The following WWP2 variants were observed in gnomAD, a reference collection of about 807,000 sequenced individuals.
WWP2 encodes WW domain containing E3 ubiquitin protein ligase 2.
WWP2 carries 57 observed loss-of-function variants against 121.0 expected under a neutral mutation model. That is an observed-to-expected ratio of 0.47 (90% CI 0.38 to 0.59). The LOEUF is 0.59. Ranked by LOEUF, WWP2 falls within the 20% of genes least tolerant of loss-of-function variation. The probability of loss-of-function intolerance (pLI) is 0.00; values close to 1 mark genes in which losing one functional copy is unlikely to be tolerated. For missense variants in WWP2, 962 were observed against 1,158.9 expected (o/e 0.83, Z 2.47); for synonymous variants, 449 against 441.3 (o/e 1.02, Z -0.22).
At chr16:69,882,236 G>A (rs1426836681) in intron 7 of WWP2, among the ~76,000 whole-genome samples, 1 of 152,184 alleles carries the variant, frequency 6.6e-6, no homozygotes, top group Non-Finnish European at 1.5e-5. Context: ...GATTATAGGT[G>A]TGAACCACTG....
chr16:69,768,447 A>T (rs1246525399), intron 1 of WWP2, among the ~76,000 whole-genome samples: 3 of 152,042 alleles, frequency 2.0e-5, no homozygotes, highest in African/African-American at 7.2e-5. Context: ...CGTCTCTACT[A>T]AAAATACAAA....
At chr16:69,789,348 GCCT>G (rs969234872) in intron 2 of WWP2, among the ~76,000 whole-genome samples, 2 of 152,130 alleles carry the variant, frequency 1.3e-5, no homozygotes, top group Non-Finnish European at 2.9e-5. Context: ...TTCTGCCTCA[GCCT>G]CCTCAGTAGC....
intron 4 of WWP2, among the ~76,000 whole-genome samples, chr16:69,839,627 A>C (rs1460929937): frequency 6.6e-6 from 1 of 152,196 alleles, no homozygotes; most frequent in South Asian, 2.1e-4. Flanking sequence ...AAGACAATAC[A>C]TTTTCAGGAT....
intron 4 of WWP2, chr16:69,838,905 CTTA>C (rs2056924498): frequency 2.0e-6 from 2 of 979,500 alleles, no homozygotes; most frequent in African/African-American, 1.8e-5. Context: ...TGGTTTCTAT[CTTA>C]TTATAATAGA....
chr16:69,927,060 G>T (rs1296024460), intron 11 of WWP2, among the ~76,000 whole-genome samples: 1 of 152,168 alleles, frequency 6.6e-6, no homozygotes, highest in Non-Finnish European at 1.5e-5. Context: ...ATTTGAGATA[G>T]AAATGGAGGA....
At chr16:69,821,561 C>T (rs761760910) in intron 4 of WWP2, among the ~76,000 whole-genome samples, 6 of 152,120 alleles carry the variant, frequency 3.9e-5, no homozygotes, top group Admixed American at 6.5e-5. Context: ...CGGTCAGCCT[C>T]GTGGGAACAC....
chr16:69,779,040 C>T (rs2151781647), intron 1 of WWP2, among the ~76,000 whole-genome samples: 1 of 151,980 alleles, frequency 6.6e-6, no homozygotes, highest in Non-Finnish European at 1.5e-5. Context: ...ACCTCCACCT[C>T]CTAGGTTCAA....
chr16:69,868,265 C>G (rs2057564427), intron 6 of WWP2, among the ~76,000 whole-genome samples: 2 of 152,076 alleles, frequency 1.3e-5, no homozygotes, highest in African/African-American at 4.8e-5. Context: ...TAGGGCTGAT[C>G]CCGCCCTGCC....
chr16:69,906,448 A>G (rs1436543745), intron 8 of WWP2, among the ~76,000 whole-genome samples: 1 of 152,220 alleles, frequency 6.6e-6, no homozygotes, highest in Non-Finnish European at 1.5e-5. Context: ...AGTTTAAATA[A>G]GAAGTGGCAG....
intron 7 of WWP2, among the ~76,000 whole-genome samples, chr16:69,872,309 C>T (rs1041085349): frequency 7.9e-5 from 12 of 152,158 alleles, no homozygotes; most frequent in Middle Eastern, 3.4e-3. Flanking sequence ...CTCCGCCTCC[C>T]GGGTTCATGC....
chr16:69,798,961 C>T, intron 3 of WWP2, 132 bp downstream of exon 3: 1 of 1,402,696 alleles, frequency 7.1e-7, no homozygotes, highest in Non-Finnish European at 9.6e-7. Context: ...CAAGGTGACT[C>T]TTTTTAGGTG....
At position 69,847,519 on chromosome 16, in the gene WWP2, C is replaced by T. The variant is rs1395260450; in HGVS notation, c.575+5399C>T. On this transcript the variant is annotated intron_variant, in intron 6 of 23. Transcript: ENST00000359154. ...CTCTCTCCCAGGTTCAAGCTATTCT[C>T]CTGCCTCAGCCCCTGAGTAGCTGGG... Among the ~76,000 whole-genome samples, 4 of 151,646 alleles carry T rather than the reference C, an allele frequency of 2.6e-5. No individual in the cohort carries two copies. In the East Asian group the frequency reaches 5.8e-4, roughly 22 times the overall value.
At chr16:69,844,863 C>T (rs2057041221) in intron 6 of WWP2, among the ~76,000 whole-genome samples, 1 of 152,214 alleles carries the variant, frequency 6.6e-6, no homozygotes, top group African/African-American at 2.4e-5. Flanking sequence ...ATTCTGCACT[C>T]ACATGGAACC....
rs1292464055 is a variant in WWP2, at chr16:69,935,683, G to A, written c.1843-170G>A. Among the ~76,000 whole-genome samples the A allele has an allele frequency of 2.6e-5, 4 of 152,190 alleles. No homozygotes were observed. The East Asian group carries it at 7.7e-4, about 29-fold the overall frequency. ...TGTAGGTACAAGTCAGGATAAAGGCGTTGTTTACTCCTGAGGCCCTCCCGC... is the reference window on the plus strand; with the variant it reads ...TGTAGGTACAAGTCAGGATAAAGGCATTGTTTACTCCTGAGGCCCTCCCGC... On this transcript the variant is annotated intron_variant, in intron 17 of 23. Transcript: ENST00000359154. The surrounding 1 kb of genome is among the most constrained non-coding windows in gnomAD (Gnocchi z 5.2).
chr16:69,853,636 A>C (rs1296456306), intron 6 of WWP2, among the ~76,000 whole-genome samples: 2 of 152,152 alleles, frequency 1.3e-5, no homozygotes, highest in Non-Finnish European at 2.9e-5. Context: ...AGACTCAGGG[A>C]CTGACGAAGA....
At chr16:69,827,767 A>G (rs2056728875) in intron 4 of WWP2, 1 of 405,896 alleles carries the variant, frequency 2.5e-6, no homozygotes, top group Non-Finnish European at 4.9e-6. Context: ...CAGGGGATTA[A>G]TGGTGTGGCA....
At chr16:69,894,675 C>T (rs1392702031) in intron 8 of WWP2, among the ~76,000 whole-genome samples, 2 of 152,128 alleles carry the variant, frequency 1.3e-5, no homozygotes, top group Non-Finnish European at 2.9e-5. Context: ...TGGTTCAGGC[C>T]GTGGGCAATG....
Position 69,940,284 on chromosome 16 carries a change from C to T in WWP2, c.*344C>T, listed in dbSNP as rs952393911. ...GAAGGTGTTGCATCCCCAGGGGCTG[C>T]CGCAGAGGCCGGAGACCTCCTGGAC... is the stretch of plus-strand genomic sequence containing the variant. On this transcript the variant is annotated 3_prime_UTR_variant, in exon 24 of 24. Coordinates refer to ENST00000359154, the MANE Select transcript of WWP2 (RefSeq NM_001270454.2). 1.2e-5 allele frequency: 3 copies of T among 258,272 alleles called. No individual in the cohort carries two copies. The highest frequency in any genetic ancestry group is 9.8e-5 in the Admixed American group (2 of 20,384). 16.0% of individuals were successfully genotyped at this position (258,272 alleles called of 1,614,324 possible). A position where few individuals can be genotyped will look rare whatever the true frequency, so the allele number is the denominator to read the frequency against.
chr16:69,852,569 C>T (rs889738085), intron 6 of WWP2, among the ~76,000 whole-genome samples: 28 of 152,146 alleles, frequency 1.8e-4, no homozygotes, highest in South Asian at 2.1e-4. Flanking sequence ...CTGCCTTGCC[C>T]GGCCTATGAT....
Sources: gnomAD v4.1 joint callset for allele counts (sites outside exome capture counted in the v4.1 genomes callset) on GRCh38, gnomAD v4.1.1 for gene constraint, Gnocchi (gnomAD v3.1) non-coding constraint, MANE v1.5 for transcripts, NCBI Gene and HGNC (gene_info 2026-07-23, HGNC 2026-07-21) for gene names.